UST: variants seen among roughly 807,000 people sequenced by gnomAD.
The protein encoded by UST is uronyl 2-sulfotransferase.
A neutral mutation model predicts 45.6 loss-of-function variants in UST; 21 were observed. The ratio of observed to expected loss-of-function variants is 0.46; its 90% CI spans 0.33 to 0.66. The LOEUF (loss-of-function observed/expected upper bound fraction) is 0.66, where lower values mean the gene tolerates loss of function less well. Ranked by LOEUF, UST falls within the 30% of genes least tolerant of loss-of-function variation. UST has a pLI of 0.02. For synonymous variants in UST, 215 were observed against 200.6 expected, an observed-to-expected ratio of 1.07 and a Z score of -0.61; for missense variants, 463 against 512.4, an observed-to-expected ratio of 0.90 and a Z score of 0.93.
chr6:149,051,445 G>T (rs1051268712), intron 7 of UST, among the ~76,000 whole-genome samples: 2 of 152,122 alleles, frequency 1.3e-5, no homozygotes, highest in African/African-American at 4.8e-5. Context: ...AGAAGTGACG[G>T]GCCTGCAAAT....
At chr6:148,889,904 C>T (rs1778983131) in intron 2 of UST, among the ~76,000 whole-genome samples, 1 of 151,668 alleles carries the variant, frequency 6.6e-6, no homozygotes, top group South Asian at 2.1e-4. Flanking sequence ...GTCTTCAACT[C>T]CCCCATATCT....
At chr6:148,955,738 C>T (rs1780481267) in intron 4 of UST, 1 of 152,266 alleles carries the variant, frequency 6.6e-6, no homozygotes, top group Non-Finnish European at 1.5e-5. Flanking sequence ...TAGCGCGTTT[C>T]CTTCTGAGTC....
intron 1 of UST, among the ~76,000 whole-genome samples, chr6:148,807,637 G>A (rs1216613853): frequency 6.6e-6 from 1 of 152,138 alleles, no homozygotes; most frequent in African/African-American, 2.4e-5. Flanking sequence ...GTGAGACAGT[G>A]CGTGGTACAT....
chr6:148,783,167 G>A (rs138936567), intron 1 of UST, among the ~76,000 whole-genome samples: 7 of 152,234 alleles, frequency 4.6e-5, no homozygotes, highest in African/African-American at 1.7e-4. Context: ...AGCATTTTTA[G>A]CAATTAAGCA....
intron 2 of UST, among the ~76,000 whole-genome samples, chr6:148,910,127 T>G (rs1779443663): frequency 6.9e-6 from 1 of 144,920 alleles, no homozygotes; most frequent in African/African-American, 2.6e-5. Flanking sequence ...CAAGGTAGCC[T>G]GGGATGCTTT....
At chr6:148,761,831 G>A (rs1395949941) in intron 1 of UST, among the ~76,000 whole-genome samples, 1 of 152,204 alleles carries the variant, frequency 6.6e-6, no homozygotes, top group East Asian at 1.9e-4. Flanking sequence ...AACTTCAGCA[G>A]TGCGGGGTTA....
At chr6:148,845,855 A>G (rs1234937121) in intron 1 of UST, among the ~76,000 whole-genome samples, 1 of 152,216 alleles carries the variant, frequency 6.6e-6, no homozygotes, top group Admixed American at 6.5e-5. Flanking sequence ...AATGCTCATC[A>G]TCACTGGCCA....
At chr6:148,794,984 T>A (rs1409946174) in intron 1 of UST, among the ~76,000 whole-genome samples, 1 of 152,176 alleles carries the variant, frequency 6.6e-6, no homozygotes, top group African/African-American at 2.4e-5. Context: ...AGGCAGTCAG[T>A]CAGTCATACT....
intron 1 of UST, among the ~76,000 whole-genome samples, chr6:148,765,122 CT>C (rs1231647057): frequency 2.0e-5 from 3 of 152,186 alleles, no homozygotes; most frequent in African/African-American, 7.2e-5. Context: ...GGTTATCTCC[CT>C]TGTTCCCTGA....
chr6:148,922,839 C>G, intron 2 of UST, among the ~76,000 whole-genome samples: 1 of 152,030 alleles, frequency 6.6e-6, no homozygotes, highest in Non-Finnish European at 1.5e-5. Flanking sequence ...GTCACCCAGG[C>G]TGGAGTGCAG....
chr6:148,774,314 T>A (rs1776489675), intron 1 of UST, among the ~76,000 whole-genome samples: 1 of 150,018 alleles, frequency 6.7e-6, no homozygotes, highest in African/African-American at 2.4e-5. Flanking sequence ...TAAATAGGAA[T>A]AAAATTGAAA....
intron 1 of UST, among the ~76,000 whole-genome samples, chr6:148,845,887 C>T (rs1777977469): frequency 6.6e-6 from 1 of 151,558 alleles, no homozygotes. Flanking sequence ...CAAATCAAAA[C>T]CACAATGAGA....
intron 1 of UST, among the ~76,000 whole-genome samples, chr6:148,808,508 G>GC (rs780776184): frequency 5.3e-5 from 8 of 151,956 alleles, no homozygotes; most frequent in Non-Finnish European, 1.0e-4. Flanking sequence ...AGGCTTTCTT[G>GC]CCCCACCCCT....
chr6:148,836,331 TC>T (rs1446023783), intron 1 of UST, among the ~76,000 whole-genome samples: 1 of 152,260 alleles, frequency 6.6e-6, no homozygotes, highest in African/African-American at 2.4e-5. Flanking sequence ...CATCATTTTT[TC>T]TTATGTCTGG....
rs67488239 is a variant in UST, at chr6:148,907,902, CTTTTTTTTTT to C, written c.291+20890_291+20899del. Among the ~76,000 whole-genome samples the C allele has an allele frequency of 7.1e-3, 487 of 68,234 alleles. 4 individuals carry two copies. The highest frequency in any genetic ancestry group is 0.027 in the African/African-American group (456 of 16,594). 44.8% of individuals were successfully genotyped at this position (68,234 alleles called of 152,430 possible). A position where few individuals can be genotyped will look rare whatever the true frequency, so the allele number is the denominator to read the frequency against. On this transcript the variant is annotated intron_variant, in intron 2 of 7. Coordinates refer to ENST00000367463, the MANE Select transcript of UST (RefSeq NM_005715.3). ...AATTTATGTCAGGGTGTTTCCAGGG[CTTTTTTTTTT>C]TTTTTTTTTTTTTTTTGACAGAGTC...
At chr6:148,836,817 G>A (rs1777793399) in intron 1 of UST, among the ~76,000 whole-genome samples, 1 of 152,136 alleles carries the variant, frequency 6.6e-6, no homozygotes, top group African/African-American at 2.4e-5. Context: ...GGGAGCCAAG[G>A]TATTTCCCCC....
intron 1 of UST, among the ~76,000 whole-genome samples, chr6:148,858,671 G>A (rs1467829657): frequency 6.6e-6 from 1 of 151,546 alleles, no homozygotes; most frequent in Non-Finnish European, 1.5e-5. Flanking sequence ...CAACAGGCCC[G>A]GGCGTGTGAT....
chr6:148,964,412 T>A lies in UST; in HGVS notation c.530T>A (p.Phe177Tyr). The A allele has an allele frequency of 6.2e-7, 1 of 1,614,156 alleles. No individual in the cohort carries two copies. The highest frequency in any genetic ancestry group is 8.5e-7 in the Non-Finnish European group (1 of 1,180,024). The change falls in exon 5 of 8, where the codon TTT becomes TAT. Residue 177 changes from phenylalanine to tyrosine, a missense_variant and splice_region_variant. Coordinates refer to ENST00000367463, the MANE Select transcript of UST (RefSeq NM_005715.3). Reference sequence around the variant, plus strand: ...AACGAACTCAATGTTTGTGTTAGGTTTGGAGGAGACCAGCCTGTCTACATC... The same window carrying A: ...AACGAACTCAATGTTTGTGTTAGGTATGGAGGAGACCAGCCTGTCTACATC... ...RHVHFLNFSR[F>Y]GGDQPVYINI...
At chr6:148,927,065 C>T (rs1779826985) in intron 2 of UST, among the ~76,000 whole-genome samples, 1 of 151,990 alleles carries the variant, frequency 6.6e-6, no homozygotes, top group Admixed American at 6.6e-5. Context: ...GACATTACTG[C>T]TGGAGCATGG....
Sources: gnomAD v4.1 joint callset for allele counts (sites outside exome capture counted in the v4.1 genomes callset) on GRCh38, gnomAD v4.1.1 for gene constraint, MANE v1.5 for transcripts, NCBI Gene and HGNC (gene_info 2026-07-23, HGNC 2026-07-21) for gene names.